NRCAM: variants seen among roughly 807,000 people sequenced by gnomAD.
NRCAM encodes neuronal cell adhesion molecule.
NRCAM carries 83 observed loss-of-function variants against 156.5 expected under a neutral mutation model. That is an observed-to-expected ratio of 0.53 (90% confidence interval 0.44 to 0.64). The LOEUF (loss-of-function observed/expected upper bound fraction) is 0.64. NRCAM is among the 30% of genes least tolerant of loss of function. The pLI, the probability that NRCAM is intolerant of heterozygous loss-of-function variation, is 0.00. For missense variants in NRCAM, 1,417 were observed against 1,597.3 expected (o/e 0.89, Z 1.92); for synonymous variants, 538 against 563.9 (o/e 0.95, Z 0.65).
intron 5 of NRCAM, 98 bp downstream of exon 5, chr7:108,237,654 A>G (rs2095192898): frequency 1.1e-6 from 1 of 887,516 alleles, no homozygotes; most frequent in Non-Finnish European, 1.6e-6. Flanking sequence ...AAAGGTCACA[A>G]AACATGAAAT....
At chr7:108,414,203 TC>T (rs145806739) in intron 1 of NRCAM, among the ~76,000 whole-genome samples, 1,749 of 152,320 alleles carry the variant, frequency 0.011, 40 homozygotes, top group African/African-American at 0.039. Flanking sequence ...TCCTTGCCAT[TC>T]CTTCTTGTGA....
In NRCAM at chr7:108,281,202, TTTC is replaced by T. The variant is rs1253507470; in HGVS notation, c.-107+31460_-107+31462del. 7.2e-5 allele frequency among the ~76,000 whole-genome samples: 11 copies of T among 152,306 alleles called. No individual in the cohort carries two copies. The South Asian group carries it at 2.3e-3, about 32-fold the overall frequency. On this transcript the variant is annotated intron_variant, in intron 3 of 32. Transcript: ENST00000379028. ...TGAGCAAAATTCAATACCTGAGTAATTTCTTGTCTTCAATTATATAGTTGTTTA... is the reference window on the plus strand; with the variant it reads ...TGAGCAAAATTCAATACCTGAGTAATTTGTCTTCAATTATATAGTTGTTTA...
At chr7:108,441,931 G>A (rs10276271) in intron 1 of NRCAM, among the ~76,000 whole-genome samples, 41,445 of 152,110 alleles carry the variant, frequency 0.27, 5,843 homozygotes, top group East Asian at 0.35. Flanking sequence ...CATATAAAGG[G>A]TTTTTGTGAA....
intron 6 of NRCAM, 120 bp from the exon 7 acceptor site, chr7:108,232,642 G>T (rs2094464774): frequency 3.1e-6 from 2 of 647,512 alleles, no homozygotes; most frequent in Admixed American, 7.0e-5. Context: ...TATTCAGTAA[G>T]AGAGCAATAA....
chr7:108,218,629 CA>C (rs1268737470), intron 11 of NRCAM, among the ~76,000 whole-genome samples: 3 of 152,080 alleles, frequency 2.0e-5, no homozygotes, highest in Admixed American at 2.0e-4. Flanking sequence ...AAAACGAAAT[CA>C]AGATGGAAAT....
chr7:108,191,655 T>C, intron 18 of NRCAM, 74 bp downstream of exon 18: 1 of 1,466,486 alleles, frequency 6.8e-7, no homozygotes, highest in South Asian at 1.4e-5. Flanking sequence ...TTGATATTTA[T>C]AATTTTTATC....
intron 30 of NRCAM, 26 bp downstream of exon 30, chr7:108,166,895 C>T: frequency 6.2e-7 from 1 of 1,610,930 alleles, no homozygotes; most frequent in Non-Finnish European, 8.5e-7. Flanking sequence ...GAGCGGGAGC[C>T]AGAACAGGTG....
chr7:108,295,543 A>G (rs2098437117), intron 3 of NRCAM, among the ~76,000 whole-genome samples: 1 of 152,232 alleles, frequency 6.6e-6, no homozygotes, highest in Non-Finnish European at 1.5e-5. Context: ...TCCTAAAGGC[A>G]CTAATCCCAT....
intron 20 of NRCAM, among the ~76,000 whole-genome samples, chr7:108,187,942 G>A (rs183704440): frequency 7.9e-5 from 12 of 151,882 alleles, no homozygotes; most frequent in East Asian, 7.7e-4. Context: ...GCAACAAAGC[G>A]AGACTCCGTC....
intron 3 of NRCAM, among the ~76,000 whole-genome samples, chr7:108,294,180 ACTTT>A (rs2098400999): frequency 1.5e-5 from 2 of 134,494 alleles, no homozygotes; most frequent in African/African-American, 5.6e-5. Flanking sequence ...AAAAGCCAGC[ACTTT>A]CTTTACTGGT....
At chr7:108,423,052 A>G (rs1812288469) in intron 1 of NRCAM, among the ~76,000 whole-genome samples, 1 of 151,992 alleles carries the variant, frequency 6.6e-6, no homozygotes, top group South Asian at 2.1e-4. Context: ...GACAGTGGTT[A>G]CCTCTGGAGA....
rs2096596276 is a variant in NRCAM at position 108,255,562 on chromosome 7, G to A, written c.-106-15392C>T. ...CTGCCTTGGCCTCCCAAAGTGCCGAGATTGCAGCCTCTGCCCGGCCGCCAC... is the reference window on the plus strand; with the variant it reads ...CTGCCTTGGCCTCCCAAAGTGCCGAAATTGCAGCCTCTGCCCGGCCGCCAC... On this transcript the variant is annotated intron_variant, in intron 3 of 32. Transcript: ENST00000379028. 7.2e-5 allele frequency among the ~76,000 whole-genome samples: 11 copies of A among 152,356 alleles called. No individual in the cohort carries two copies. The South Asian group carries it at 1.0e-3, about 14-fold the overall frequency.
At chr7:108,431,423 C>G (rs996213997) in intron 1 of NRCAM, among the ~76,000 whole-genome samples, 8 of 152,206 alleles carry the variant, frequency 5.3e-5, no homozygotes, top group African/African-American at 1.7e-4. Context: ...CAATTGACTA[C>G]TGTCTTTAGT....
At chr7:108,194,859 T>C (rs1317908507) in intron 15 of NRCAM, among the ~76,000 whole-genome samples, 1 of 152,234 alleles carries the variant, frequency 6.6e-6, no homozygotes, top group Non-Finnish European at 1.5e-5. Context: ...TCTGAGCCAT[T>C]GCTCATCCAT....
chr7:108,393,732 C>T (rs147255051), intron 2 of NRCAM, among the ~76,000 whole-genome samples: 3 of 152,240 alleles, frequency 2.0e-5, no homozygotes, highest in South Asian at 2.1e-4. Flanking sequence ...AACCCTCCCC[C>T]GTTTAATTTT....
At chr7:108,451,232 AC>A (rs1196739964) in intron 1 of NRCAM, among the ~76,000 whole-genome samples, 1 of 151,620 alleles carries the variant, frequency 6.6e-6, no homozygotes, top group Non-Finnish European at 1.5e-5. Flanking sequence ...AAAAAAAAAA[AC>A]AAAGAAAGAA....
At chr7:108,304,796 T>C (rs2098690505) in intron 3 of NRCAM, among the ~76,000 whole-genome samples, 1 of 152,212 alleles carries the variant, frequency 6.6e-6, no homozygotes, top group African/African-American at 2.4e-5. Context: ...AAAGAAAGGC[T>C]TTCCATTATG....
intron 19 of NRCAM, among the ~76,000 whole-genome samples, chr7:108,190,464 T>C (rs950808279): frequency 6.6e-6 from 1 of 152,178 alleles, no homozygotes; most frequent in African/African-American, 2.4e-5. Context: ...CCAGAGACCA[T>C]ACAAATATAT....
intron 11 of NRCAM, among the ~76,000 whole-genome samples, chr7:108,215,909 C>T (rs979265706): frequency 1.3e-5 from 2 of 152,182 alleles, no homozygotes; most frequent in South Asian, 2.1e-4. Context: ...TAGCCCTTTA[C>T]ATTTAAGGTT....
Sources: allele counts gnomAD v4.1 joint callset (sites outside exome capture counted in the v4.1 genomes callset), GRCh38; gene constraint gnomAD v4.1.1; transcripts MANE v1.5; gene names NCBI Gene and HGNC (gene_info 2026-07-23, HGNC 2026-07-21).